ZFX: variants seen among roughly 807,000 people sequenced by gnomAD.
ZFX encodes the protein zinc finger protein X-linked, also known as zinc finger X-chromosomal protein.
For synonymous variants in ZFX, 196 were observed against 226.8 expected, an observed-to-expected ratio of 0.86 and a Z score of 1.22; for missense variants, 362 against 628.3, an observed-to-expected ratio of 0.58 and a Z score of 4.53.
intron 3 of ZFX, among the ~76,000 whole-genome samples, chrX:24,167,763 A>G (rs1934143117): frequency 8.9e-6 from 1 of 112,097 alleles, no homozygotes; most frequent in Non-Finnish European, 1.9e-5. Context: ...TAGAAGCTAG[A>G]TTTAGTAGCC....
At chrX:24,181,578 A>G (rs2147705216) in intron 5 of ZFX, among the ~76,000 whole-genome samples, 1 of 112,255 alleles carries the variant, frequency 8.9e-6, no homozygotes, top group African/African-American at 3.2e-5. Context: ...GAACTTTAGG[A>G]TACACTTTTA....
chrX:24,200,704 T>G (rs1220495789), intron 5 of ZFX, among the ~76,000 whole-genome samples: 2 of 112,007 alleles, frequency 1.8e-5, no homozygotes, highest in African/African-American at 6.5e-5. Context: ...TTGAGCACAT[T>G]TTCATTTCTT....
In ZFX at chrX:24,149,792, C is replaced by T. The variant is rs1395073378; in HGVS notation, c.-252C>T. ...CGTCGCCGGCCGCCCGCACGTCCGT[C>T]CGGTGAGTCCCGGGTGCCGCCGCGG... On this transcript the variant is annotated splice_region_variant and 5_prime_UTR_variant, in exon 1 of 10. Coordinates refer to ENST00000304543, the MANE Select transcript of ZFX (RefSeq NM_003410.4). 2 of 110,462 alleles carry T rather than the reference C, an allele frequency of 1.8e-5. No individual in the cohort carries two copies. Among genetic ancestry groups the T allele is most frequent in the African/African-American group, 6.5e-5 (2 of 30,676 alleles). The allele number at this position is 110,462 out of a possible 1,213,427, so 9.1% of individuals were successfully genotyped here.
intron 9 of ZFX, among the ~76,000 whole-genome samples, chrX:24,209,882 A>G (rs1937943622): frequency 1.8e-5 from 2 of 112,138 alleles, no homozygotes; most frequent in South Asian, 7.5e-4. Context: ...TGCCCAGCCA[A>G]TTTTCCACCA....
At chrX:24,208,512 T>C in intron 8 of ZFX, 142 bp downstream of exon 8, 1 of 793,773 alleles carries the variant, frequency 1.3e-6, no homozygotes, top group East Asian at 3.6e-5. Context: ...TGAATTAGAG[T>C]ATAAAGTCTA....
intron 3 of ZFX, among the ~76,000 whole-genome samples, chrX:24,172,500 A>G (rs1186291727): frequency 8.9e-6 from 1 of 112,480 alleles, no homozygotes; most frequent in Non-Finnish European, 1.9e-5. Flanking sequence ...AAGTCCAGGC[A>G]AAGTTGACTT....
chrX:24,206,145 T>C (rs1157865970), intron 5 of ZFX, among the ~76,000 whole-genome samples: 1 of 111,863 alleles, frequency 8.9e-6, no homozygotes, highest in Non-Finnish European at 1.9e-5. Flanking sequence ...GTGTATGTTA[T>C]GCATATTTAC....
At chrX:24,161,410 A>T (rs1221848036) in intron 3 of ZFX, among the ~76,000 whole-genome samples, 2 of 112,008 alleles carry the variant, frequency 1.8e-5, no homozygotes, top group Non-Finnish European at 3.8e-5. Context: ...TCAAATTTAC[A>T]TGGAAAGGCA....
chrX:24,202,206 T>C (rs1444883649), intron 5 of ZFX, among the ~76,000 whole-genome samples: 1 of 112,031 alleles, frequency 8.9e-6, no homozygotes. Flanking sequence ...TCCTCTGAGA[T>C]CTGGATCCCA....
chrX:24,209,185 C>CA, intron 9 of ZFX, 145 bp downstream of exon 9: 3 of 886,913 alleles, frequency 3.4e-6, no homozygotes, highest in Non-Finnish European at 4.6e-6. Context: ...ATATAATTTT[C>CA]AGAATTCAGT....
At position 24,208,514 on chromosome X, in the gene ZFX, TAA is replaced by T. The variant is rs767712785; in HGVS notation, c.1093+146_1093+147del. Reference sequence around the variant, plus strand: ...GGATTATTTGAATTGAATTAGAGTATAAAGTCTACTTTTTGTCTTTATTTTTA... The same window carrying T: ...GGATTATTTGAATTGAATTAGAGTATAGTCTACTTTTTGTCTTTATTTTTA... On this transcript the variant is annotated intron_variant, in intron 8 of 9. Transcript: ENST00000304543. The T allele has an allele frequency of 1.0e-5, 8 of 787,968 alleles. No homozygotes were observed. The Admixed American group carries it at 3.5e-4, about 35-fold the overall frequency. 64.9% of individuals were successfully genotyped at this position (787,968 alleles called of 1,213,427 possible).
chrX:24,202,763 A>G (rs757101139), intron 5 of ZFX, among the ~76,000 whole-genome samples: 1 of 112,122 alleles, frequency 8.9e-6, no homozygotes, highest in Admixed American at 9.5e-5. Context: ...CAGCCTTCCA[A>G]TTTCAGACTT....
chrX:24,208,401 G>A (rs1428385383), intron 8 of ZFX, 31 bp downstream of exon 8: 4 of 1,195,865 alleles, frequency 3.3e-6, no homozygotes, highest in Non-Finnish European at 3.4e-6. Context: ...TAGCATTGAA[G>A]AAGTTGGTTC....
chrX:24,185,907 C>T (rs1936070289), intron 5 of ZFX, among the ~76,000 whole-genome samples: 1 of 109,388 alleles, frequency 9.1e-6, no homozygotes, highest in African/African-American at 3.3e-5. Flanking sequence ...GTACTCCAGC[C>T]TGGGCGACAG....
At chrX:24,209,336 ATAAAT>A (rs1003718659) in intron 9 of ZFX, among the ~76,000 whole-genome samples, 4 of 112,532 alleles carry the variant, frequency 3.6e-5, no homozygotes, top group Non-Finnish European at 7.5e-5. Flanking sequence ...AACTTTTTAA[ATAAAT>A]TAATACATTT....
At chrX:24,159,805 A>C (rs1358789063) in intron 3 of ZFX, among the ~76,000 whole-genome samples, 1 of 111,834 alleles carries the variant, frequency 8.9e-6, no homozygotes, top group Admixed American at 9.5e-5. Context: ...TCTTAAAAGT[A>C]AGAACCCATC....
rs1327977522 is a variant in ZFX, at chrX:24,191,623, T to G, written c.646+11853T>G. ...TCATAATAAAATACAGGGAAACTAC[T>G]TACCATAGTGCCTGGGACATAATAG... On this transcript the variant is annotated intron_variant, in intron 5 of 9. Transcript: ENST00000304543. 3.6e-5 allele frequency among the ~76,000 whole-genome samples: 4 copies of G among 111,316 alleles called. No individual in the cohort carries two copies. The Admixed American group carries it at 3.8e-4, about 11-fold the overall frequency.
chrX:24,156,779 C>G (rs976652425), intron 3 of ZFX, among the ~76,000 whole-genome samples: 3 of 109,131 alleles, frequency 2.7e-5, no homozygotes, highest in Admixed American at 9.8e-5. Context: ...CTCAGCCTCC[C>G]GAGTAGCTGG....
At chrX:24,164,702 C>T (rs1225489595) in intron 3 of ZFX, among the ~76,000 whole-genome samples, 1 of 110,750 alleles carries the variant, frequency 9.0e-6, no homozygotes, top group Non-Finnish European at 1.9e-5. Flanking sequence ...GAGGCTGAGG[C>T]GGGTGGATCA....
Sources: gnomAD v4.1 joint callset for allele counts (sites outside exome capture counted in the v4.1 genomes callset) on GRCh38, gnomAD v4.1.1 for gene constraint, MANE v1.5 for transcripts, NCBI Gene and HGNC (gene_info 2026-07-23, HGNC 2026-07-21) for gene names.